The following ME1 variants were observed in gnomAD, a reference collection of about 807,000 sequenced individuals.
ME1 encodes the protein malic enzyme 1.
In ME1, 74 loss-of-function variants were observed where a neutral mutation model predicts 66.4. The observed-to-expected ratio is 1.11, with a 90% CI of 0.92 to 1.35. ME1 has a LOEUF of 1.35. Ranked by LOEUF, ME1 falls within the 40% of genes most tolerant of loss-of-function variation. The pLI is 0.00. For synonymous variants in ME1, 251 were observed against 235.6 expected (o/e 1.07, Z -0.60); for missense variants, 750 against 694.1 (o/e 1.08, Z -0.90).
chr6:83,377,318 G>A (rs1168747762), intron 3 of ME1, among the ~76,000 whole-genome samples: 1 of 152,048 alleles, frequency 6.6e-6, no homozygotes, highest in Admixed American at 6.6e-5. Context: ...TTAAAAATAA[G>A]TTTCCATAAT....
chr6:83,351,980 T>C (rs1768809321), intron 4 of ME1, 84 bp downstream of exon 4: 1 of 718,442 alleles, frequency 1.4e-6, no homozygotes, highest in Non-Finnish European at 2.3e-6. Flanking sequence ...CCTATTATCA[T>C]GAGAATTGTC....
chr6:83,301,809 T>C (rs1284424840), intron 6 of ME1, among the ~76,000 whole-genome samples: 1 of 152,162 alleles, frequency 6.6e-6, no homozygotes, highest in Non-Finnish European at 1.5e-5. Context: ...GATCCTGGTG[T>C]ACTTTCAGAG....
rs145501989 is a variant in ME1 at position 83,287,328 on chromosome 6, G to A, written c.704+27982C>T. ...TAGCTCCACACCCACCACAGGTCCC[G>A]GTGTTTGATATTCCCCTCCCTGTGT... On this transcript the variant is annotated intron_variant, in intron 6 of 13. Coordinates refer to ENST00000369705, the MANE Select transcript of ME1 (RefSeq NM_002395.6). Among the ~76,000 whole-genome samples the A allele has an allele frequency of 1.1e-3, 174 of 152,090 alleles. 2 individuals are homozygous for A. Among genetic ancestry groups the A allele is most frequent in the Admixed American group, 0.01 (154 of 15,252 alleles).
intron 6 of ME1, among the ~76,000 whole-genome samples, chr6:83,268,844 G>C (rs117141528): frequency 6.6e-6 from 1 of 151,516 alleles, no homozygotes; most frequent in Non-Finnish European, 1.5e-5. Flanking sequence ...TGCCAGCCTC[G>C]GCCTCCCAAA....
chr6:83,324,749 C>G (rs765653625), intron 5 of ME1, among the ~76,000 whole-genome samples: 1 of 136,868 alleles, frequency 7.3e-6, no homozygotes, highest in African/African-American at 2.8e-5. Flanking sequence ...AAGCCCAGGA[C>G]GAGATGGATT....
chr6:83,309,028 C>T (rs551721436), intron 6 of ME1, among the ~76,000 whole-genome samples: 2 of 152,040 alleles, frequency 1.3e-5, no homozygotes, highest in South Asian at 2.1e-4. Context: ...AGCAAACAGG[C>T]CACAACAAAG....
In ME1 at chr6:83,272,140, G is replaced by A. The variant is rs541657923; in HGVS notation, c.705-18402C>T. ...ACTACTCATTCTATTTTTTGTACCCGTTTTAAAATGTGGACATCATTAAAC... is the reference window on the plus strand; with the variant it reads ...ACTACTCATTCTATTTTTTGTACCCATTTTAAAATGTGGACATCATTAAAC... On this transcript the variant is annotated intron_variant, in intron 6 of 13. Coordinates refer to ENST00000369705, the MANE Select transcript of ME1 (RefSeq NM_002395.6). 2.3e-4 allele frequency among the ~76,000 whole-genome samples: 35 copies of A among 152,156 alleles called. No individual in the cohort carries two copies. In the South Asian group the frequency reaches 2.5e-3, roughly 11 times the overall value.
intron 7 of ME1, among the ~76,000 whole-genome samples, chr6:83,250,178 G>GTTT (rs3032823): frequency 0.012 from 1,861 of 149,808 alleles, 42 homozygotes; most frequent in African/African-American, 0.043. Flanking sequence ...TTTCAGATCT[G>GTTT]TTTTTTTTTA....
At chr6:83,322,336 G>A (rs1411203110) in intron 5 of ME1, among the ~76,000 whole-genome samples, 2 of 152,130 alleles carry the variant, frequency 1.3e-5, no homozygotes, top group Non-Finnish European at 2.9e-5. Flanking sequence ...GCTTCAGAAG[G>A]TGGGTAATAA....
chr6:83,383,229 G>T (rs1583410462), intron 3 of ME1, among the ~76,000 whole-genome samples: 1 of 151,756 alleles, frequency 6.6e-6, no homozygotes, highest in Non-Finnish European at 1.5e-5. Context: ...AAGAAAACAA[G>T]TTCAAGCCCC....
At position 83,225,864 on chromosome 6, in the gene ME1, TC is replaced by T. The variant is rs1246438670; in HGVS notation, c.1275+1470del. ...TCCCCCACTCCTGCACTCCCACTCT[TC>T]CTGCCTTTCTATAATCACCATATTT... On this transcript the variant is annotated intron_variant, in intron 11 of 13. Transcript: ENST00000369705. 2.0e-5 allele frequency among the ~76,000 whole-genome samples: 3 copies of T among 148,430 alleles called. No individual in the cohort carries two copies. The East Asian group carries it at 5.9e-4, about 29-fold the overall frequency.
At chr6:83,235,328 TA>T (rs761523852) in intron 9 of ME1, among the ~76,000 whole-genome samples, 31 of 152,168 alleles carry the variant, frequency 2.0e-4, no homozygotes, top group Admixed American at 3.3e-4. Flanking sequence ...TCAAGGGCTT[TA>T]TTGAATCCCC....
intron 5 of ME1, among the ~76,000 whole-genome samples, chr6:83,326,714 G>A (rs1323547586): frequency 1.3e-5 from 2 of 152,152 alleles, no homozygotes; most frequent in Non-Finnish European, 2.9e-5. Flanking sequence ...AATGGTAATT[G>A]TTAAAAAGTC....
At chr6:83,420,988 A>G (rs1315827337) in intron 1 of ME1, among the ~76,000 whole-genome samples, 3 of 151,840 alleles carry the variant, frequency 2.0e-5, no homozygotes, top group East Asian at 1.9e-4. Context: ...AAAGAAGGGG[A>G]AAGAAAGAAA....
intron 1 of ME1, among the ~76,000 whole-genome samples, chr6:83,420,631 T>C (rs931415784): frequency 6.6e-6 from 1 of 152,218 alleles, no homozygotes; most frequent in African/African-American, 2.4e-5. Flanking sequence ...CAACAGCATA[T>C]AAAAGAGGTT....
rs150777995 is a variant in ME1 at position 83,312,274 on chromosome 6, T to C, written c.704+3036A>G. ...CACTGTTCCCCTCTCCCTGTTAGAG[T>C]AGAGGCATACAGGAGCCAGTAATAA... On this transcript the variant is annotated intron_variant, in intron 6 of 13. Coordinates refer to ENST00000369705, the MANE Select transcript of ME1 (RefSeq NM_002395.6). 1.2e-4 allele frequency among the ~76,000 whole-genome samples: 18 copies of C among 152,042 alleles called. No individual in the cohort carries two copies. In the East Asian group the frequency reaches 3.5e-3, roughly 29 times the overall value.
intron 2 of ME1, among the ~76,000 whole-genome samples, chr6:83,403,373 C>G (rs1335906951): frequency 6.6e-6 from 1 of 152,186 alleles, no homozygotes; most frequent in Non-Finnish European, 1.5e-5. Context: ...AGTTCAAGGT[C>G]AAGCTGCCAG....
intron 6 of ME1, among the ~76,000 whole-genome samples, chr6:83,270,057 T>G (rs1252841059): frequency 6.6e-6 from 1 of 152,102 alleles, no homozygotes; most frequent in Non-Finnish European, 1.5e-5. Context: ...ATATATCTCA[T>G]TCTTTAATCC....
chr6:83,362,214 A>G (rs886966349), intron 3 of ME1, among the ~76,000 whole-genome samples: 1 of 152,238 alleles, frequency 6.6e-6, no homozygotes, highest in African/African-American at 2.4e-5. Context: ...ACACGGATTC[A>G]TGGGCTGTAG....
Sources: gnomAD v4.1 joint callset for allele counts (sites outside exome capture counted in the v4.1 genomes callset) on GRCh38, gnomAD v4.1.1 for gene constraint, MANE v1.5 for transcripts, NCBI Gene and HGNC (gene_info 2026-07-23, HGNC 2026-07-21) for gene names.